ACO1: variants seen among roughly 807,000 people sequenced by gnomAD.
ACO1 encodes the protein aconitase 1.
Under a neutral mutation model 105.1 loss-of-function variants are expected in ACO1, and 78 were observed. The observed-to-expected ratio is 0.74, with a 90% CI of 0.62 to 0.90. The LOEUF is 0.90. Ranked by LOEUF, ACO1 falls within the 40% of genes least tolerant of loss-of-function variation. ACO1 has a pLI of 0.00. For missense variants in ACO1, 965 were observed against 1,111.1 expected, an observed-to-expected ratio of 0.87 and a Z score of 1.87; for synonymous variants, 364 against 397.4, an observed-to-expected ratio of 0.92 and a Z score of 1.00.
chr9:32,434,731 A>T (rs1348587148), intron 17 of ACO1, 30 bp downstream of exon 17: 2 of 1,611,546 alleles, frequency 1.2e-6, no homozygotes, highest in Non-Finnish European at 1.7e-6. Context: ...GAAGGACTAA[A>T]GGCAAAAATG....
chr9:32,416,995 C>T lies in ACO1; in HGVS notation c.405-1133C>T, dbSNP rs537374219. 3.3e-5 allele frequency among the ~76,000 whole-genome samples: 5 copies of T among 152,318 alleles called. No individual in the cohort carries two copies. The South Asian group carries it at 8.3e-4, about 25-fold the overall frequency. ...GTTACTGTGGTGGTGTTAACTACCA[C>T]TGCCACCATTACTGCCACAGTCGCT... On this transcript the variant is annotated intron_variant, in intron 4 of 20. Coordinates refer to ENST00000309951, the MANE Select transcript of ACO1 (RefSeq NM_002197.3).
At chr9:32,415,509 T>C (rs1474494545) in intron 4 of ACO1, among the ~76,000 whole-genome samples, 3 of 152,148 alleles carry the variant, frequency 2.0e-5, no homozygotes, top group African/African-American at 7.2e-5. Flanking sequence ...GCCTGAAGTA[T>C]TCTTGGTGCG....
intron 8 of ACO1, among the ~76,000 whole-genome samples, chr9:32,422,936 A>G (rs757654773): frequency 9.9e-5 from 15 of 152,232 alleles, no homozygotes; most frequent in African/African-American, 3.6e-4. Flanking sequence ...AACGGTAATC[A>G]TGTGGAATGC....
chr9:32,392,757 C>T (rs890177467), intron 1 of ACO1, among the ~76,000 whole-genome samples: 6 of 152,294 alleles, frequency 3.9e-5, no homozygotes, highest in East Asian at 3.9e-4. Flanking sequence ...GGACCCCGAA[C>T]GGAGGGACCG....
At chr9:32,408,437 A>G in intron 3 of ACO1, 77 bp from the exon 4 acceptor site, 1 of 1,547,442 alleles carries the variant, frequency 6.5e-7, no homozygotes, top group Non-Finnish European at 8.8e-7. Flanking sequence ...CAATATTATC[A>G]ATGGAGGCAA....
At position 32,453,299 on chromosome 9, in the gene ACO1, A is replaced by G. The variant is rs1822808533; in HGVS notation, c.*3188A>G. On this transcript the variant is annotated 3_prime_UTR_variant, in exon 21 of 21. Coordinates refer to ENST00000309951, the MANE Select transcript of ACO1 (RefSeq NM_002197.3). ...GGTACATAGGGAGTAATCTAGGGAA[A>G]AGATATATTAGGCATGAATCTTAGC... is the stretch of plus-strand genomic sequence containing the variant. 1 of 151,934 alleles carries G rather than the reference A, an allele frequency of 6.6e-6. No homozygotes were observed. 9.4% of individuals were successfully genotyped at this position (151,934 alleles called of 1,614,324 possible).
At chr9:32,387,864 A>G (rs1429786468) in intron 1 of ACO1, among the ~76,000 whole-genome samples, 1 of 152,240 alleles carries the variant, frequency 6.6e-6, no homozygotes, top group Non-Finnish European at 1.5e-5. Context: ...GACCTAGACT[A>G]TCAGAACAAG....
At chr9:32,447,636 G>A (rs556413694) in intron 19 of ACO1, among the ~76,000 whole-genome samples, 1 of 152,252 alleles carries the variant, frequency 6.6e-6, no homozygotes, top group South Asian at 2.1e-4. Flanking sequence ...TCCTTTGGAG[G>A]AGAAGAGCCA....
intron 1 of ACO1, among the ~76,000 whole-genome samples, chr9:32,391,061 C>G (rs1369618166): frequency 1.3e-5 from 2 of 152,124 alleles, no homozygotes; most frequent in Non-Finnish European, 2.9e-5. Flanking sequence ...TTAGAGCTTA[C>G]CATAGGTAAG....
rs927363547 is a variant in ACO1, at chr9:32,409,181, T to C, written c.404+530T>C. On this transcript the variant is annotated intron_variant, in intron 4 of 20. Coordinates refer to ENST00000309951, the MANE Select transcript of ACO1 (RefSeq NM_002197.3). ...TCCTTCAAGGCCAGCTTAAATCTTA[T>C]TCTGTTAGGAATCCTTTACTTTCCA... 1.6e-4 allele frequency among the ~76,000 whole-genome samples: 24 copies of C among 152,334 alleles called. No homozygotes were observed. The East Asian group carries it at 1.9e-3, about 12-fold the overall frequency.
intron 4 of ACO1, among the ~76,000 whole-genome samples, chr9:32,416,341 C>T (rs761092056): frequency 1.3e-5 from 2 of 152,078 alleles, no homozygotes; most frequent in Non-Finnish European, 2.9e-5. Context: ...GATCTGCCCG[C>T]CTCAGCCTCC....
At chr9:32,411,931 T>A (rs1821748005) in intron 4 of ACO1, among the ~76,000 whole-genome samples, 1 of 152,122 alleles carries the variant, frequency 6.6e-6, no homozygotes, top group Non-Finnish European at 1.5e-5. Flanking sequence ...TAGACCGGGG[T>A]GGCGTGATCA....
intron 1 of ACO1, among the ~76,000 whole-genome samples, chr9:32,395,364 G>A (rs1052440401): frequency 2.0e-5 from 3 of 152,064 alleles, no homozygotes; most frequent in Middle Eastern, 3.2e-3. Flanking sequence ...TAATCCCAGC[G>A]ACTCCAGAGG....
Position 32,439,314 on chromosome 9 carries a change from G to A in ACO1, c.2248-1151G>A, listed in dbSNP as rs758686299. 3.0e-4 allele frequency among the ~76,000 whole-genome samples: 45 copies of A among 152,290 alleles called. No homozygotes were observed. Among genetic ancestry groups the A allele is most frequent in the Non-Finnish European group, 5.3e-4 (36 of 68,024 alleles). ...TTTCTATGACAGTTTCTATATTTAC[G>A]AGTTCTGTCTAGCTGAAGACATACA... On this transcript the variant is annotated intron_variant, in intron 18 of 20. Coordinates refer to ENST00000309951, the MANE Select transcript of ACO1 (RefSeq NM_002197.3). The surrounding 1 kb of genome is among the most constrained non-coding windows in gnomAD (Gnocchi z 4.0).
chr9:32,443,171 TTA>T (rs1822520694), intron 19 of ACO1, among the ~76,000 whole-genome samples: 2 of 152,184 alleles, frequency 1.3e-5, no homozygotes, highest in East Asian at 3.9e-4. Context: ...AAGCACGGTG[TTA>T]TGAGGCAAAA....
At chr9:32,447,271 C>CTCTT (rs1298237786) in intron 19 of ACO1, among the ~76,000 whole-genome samples, 1 of 152,120 alleles carries the variant, frequency 6.6e-6, no homozygotes, top group Non-Finnish European at 1.5e-5. Flanking sequence ...TTTCTTTTCA[C>CTCTT]TCTTTTTTCT....
chr9:32,405,916 G>C (rs940284528), intron 2 of ACO1, among the ~76,000 whole-genome samples: 3 of 152,220 alleles, frequency 2.0e-5, no homozygotes, highest in African/African-American at 7.2e-5. Flanking sequence ...TAAGGCCCAA[G>C]AGTCAATGAC....
At chr9:32,409,391 T>C (rs1324661263) in intron 4 of ACO1, among the ~76,000 whole-genome samples, 2 of 152,236 alleles carry the variant, frequency 1.3e-5, no homozygotes, top group African/African-American at 4.8e-5. Context: ...GAAATTATTC[T>C]TCGATTAAGT....
intron 1 of ACO1, among the ~76,000 whole-genome samples, chr9:32,398,994 G>A (rs530127207): frequency 1.1e-4 from 17 of 152,246 alleles, no homozygotes; most frequent in East Asian, 7.7e-4. Context: ...GCCCAAATAG[G>A]ATTTTGTCCA....
Sources: gnomAD v4.1 joint callset for allele counts (sites outside exome capture counted in the v4.1 genomes callset) on GRCh38, gnomAD v4.1.1 for gene constraint, Gnocchi (gnomAD v3.1) non-coding constraint, MANE v1.5 for transcripts, NCBI Gene and HGNC (gene_info 2026-07-23, HGNC 2026-07-21) for gene names.